Variants in USP25 observed in about 807,000 individuals in gnomAD.
USP25 encodes ubiquitin carboxyl-terminal hydrolase 25.
Under a neutral mutation model 158.5 loss-of-function variants are expected in USP25, and 85 were observed. The ratio of observed to expected loss-of-function variants is 0.54; its 90% CI spans 0.45 to 0.64. The LOEUF (loss-of-function observed/expected upper bound fraction) is 0.64. Among genes scored for constraint, USP25 ranks in the 30% least tolerant of loss-of-function variants. The pLI, the probability that USP25 is intolerant of heterozygous loss-of-function variation, is 0.00. For synonymous variants in USP25, 464 were observed against 460.4 expected (o/e 1.01, Z -0.10); for missense variants, 1,242 against 1,327.3 (o/e 0.94, Z 1.00).
chr21:15,770,543 A>T (rs1372873173), intron 3 of USP25, among the ~76,000 whole-genome samples: 2 of 151,932 alleles, frequency 1.3e-5, no homozygotes, highest in African/African-American at 4.8e-5. Context: ...CTCTGGAATG[A>T]CTCCCTTACT....
intron 1 of USP25, among the ~76,000 whole-genome samples, chr21:15,738,361 A>C (rs1250263404): frequency 6.6e-6 from 1 of 152,170 alleles, no homozygotes; most frequent in Non-Finnish European, 1.5e-5. Flanking sequence ...AATTTGATTG[A>C]ATCTGTAGAT....
chr21:15,869,535 T>C (rs2039798309), intron 22 of USP25, among the ~76,000 whole-genome samples: 1 of 152,180 alleles, frequency 6.6e-6, no homozygotes, highest in African/African-American at 2.4e-5. Context: ...ACTGCAGTTA[T>C]TCTTTTACCA....
intron 6 of USP25, among the ~76,000 whole-genome samples, chr21:15,803,955 G>T (rs1466567678): frequency 6.6e-6 from 1 of 151,862 alleles, no homozygotes; most frequent in South Asian, 2.1e-4. Flanking sequence ...GAATTTTACA[G>T]TGTTGAGAAT....
intron 3 of USP25, among the ~76,000 whole-genome samples, chr21:15,771,206 C>T (rs548679419): frequency 3.3e-5 from 5 of 152,248 alleles, no homozygotes; most frequent in African/African-American, 9.6e-5. Flanking sequence ...AGTAATAAGT[C>T]GTTCATGAAG....
At chr21:15,857,806 T>C (rs2039229175) in intron 20 of USP25, among the ~76,000 whole-genome samples, 1 of 152,072 alleles carries the variant, frequency 6.6e-6, no homozygotes, top group African/African-American at 2.4e-5. Context: ...TTCTGCTGCT[T>C]TCATGGTTTT....
chr21:15,857,451 TA>T (rs35755898), intron 20 of USP25, among the ~76,000 whole-genome samples: 190 of 152,224 alleles, frequency 1.2e-3, no homozygotes, highest in African/African-American at 4.3e-3. Flanking sequence ...GATATTTGCC[TA>T]AAAAAAGACA....
rs1052558703 is a variant in USP25 at position 15,826,353 on chromosome 21, A to T, written c.1454A>T (p.Gln485Leu). 16 of 1,613,810 alleles carry T rather than the reference A, an allele frequency of 9.9e-6. No individual in the cohort carries two copies. In the East Asian group the frequency reaches 1.3e-4, roughly 13 times the overall value. The change falls in exon 13 of 26, where the codon CAG becomes CTG. Residue 485 changes from glutamine to leucine, a missense_variant. By Grantham distance (113) the Gln-to-Leu change is moderately radical. Transcript: ENST00000400183. This position sits in a 1 kb window ranked among gnomAD's most constrained non-coding sequence, Gnocchi z 4.8. ...SSPPSGSIPS[Q>L]TLPSTTEQQG... ...CCACCTAGTGGTTCCATACCATCAC[A>T]GACATTACCAAGGTAAAAAGTAATC...
chr21:15,792,253 A>T (rs1009498417), intron 5 of USP25, among the ~76,000 whole-genome samples: 1 of 151,636 alleles, frequency 6.6e-6, no homozygotes, highest in African/African-American at 2.4e-5. Flanking sequence ...AAAATAAGAG[A>T]CATATGTATG....
At chr21:15,817,265 T>C (rs1051233349) in intron 9 of USP25, among the ~76,000 whole-genome samples, 2 of 152,184 alleles carry the variant, frequency 1.3e-5, no homozygotes, top group African/African-American at 4.8e-5. Flanking sequence ...CTATCTCTTA[T>C]CCTGCTCAGT....
intron 4 of USP25, among the ~76,000 whole-genome samples, chr21:15,788,312 T>C (rs966236105): frequency 4.6e-5 from 7 of 152,034 alleles, no homozygotes. Context: ...TTTGGATTTA[T>C]GGTGCCAGTA....
At chr21:15,866,735 A>G (rs1601178392) in intron 22 of USP25, among the ~76,000 whole-genome samples, 1 of 152,258 alleles carries the variant, frequency 6.6e-6, no homozygotes, top group Admixed American at 6.5e-5. Flanking sequence ...TATGCCAGGC[A>G]TTTGTCTAAG....
intron 19 of USP25, among the ~76,000 whole-genome samples, chr21:15,848,480 T>C (rs1373215877): frequency 6.6e-6 from 1 of 152,106 alleles, no homozygotes; most frequent in Non-Finnish European, 1.5e-5. Flanking sequence ...ATTACTCTTT[T>C]TGAGGAACGG....
chr21:15,793,917 A>G (rs2035727090), intron 5 of USP25, among the ~76,000 whole-genome samples: 1 of 151,752 alleles, frequency 6.6e-6, no homozygotes, highest in Non-Finnish European at 1.5e-5. Context: ...AAACTGAGAT[A>G]TAATACTTGG....
At chr21:15,860,971 T>TAGAG (rs371751056) in intron 20 of USP25, among the ~76,000 whole-genome samples, 445 of 143,610 alleles carry the variant, frequency 3.1e-3, no homozygotes, top group South Asian at 8.0e-3. Flanking sequence ...TATATATATA[T>TAGAG]ATATAGAGAG....
intron 7 of USP25, among the ~76,000 whole-genome samples, chr21:15,806,125 A>G (rs751597371): frequency 6.6e-6 from 1 of 152,216 alleles, no homozygotes; most frequent in Non-Finnish European, 1.5e-5. Flanking sequence ...AATTCTAACA[A>G]TGCTCCAGTG....
At chr21:15,849,384 T>TG (rs1348237794) in intron 19 of USP25, among the ~76,000 whole-genome samples, 2 of 152,074 alleles carry the variant, frequency 1.3e-5, no homozygotes, top group African/African-American at 4.8e-5. Context: ...GGGGCAGAAG[T>TG]GGGAAGCAAA....
intron 20 of USP25, among the ~76,000 whole-genome samples, chr21:15,856,511 G>C (rs1032645487): frequency 6.7e-6 from 1 of 149,298 alleles, no homozygotes; most frequent in African/African-American, 2.5e-5. Flanking sequence ...TCGCTCTGTC[G>C]CCCAGGCTGG....
At chr21:15,740,648 T>G (rs796090485) in intron 1 of USP25, among the ~76,000 whole-genome samples, 243 of 86,468 alleles carry the variant, frequency 2.8e-3, no homozygotes, top group African/African-American at 0.023. Flanking sequence ...GCTGTTTTTT[T>G]TTTTTTTTTT....
At chr21:15,813,400 A>G (rs1391615516) in intron 9 of USP25, among the ~76,000 whole-genome samples, 3 of 152,194 alleles carry the variant, frequency 2.0e-5, no homozygotes, top group Non-Finnish European at 2.9e-5. Flanking sequence ...GTTTTGTATC[A>G]TATTCTAAAA....
Sources: allele counts gnomAD v4.1 joint callset (sites outside exome capture counted in the v4.1 genomes callset), GRCh38; gene constraint gnomAD v4.1.1; non-coding constraint Gnocchi (gnomAD v3.1); transcripts MANE v1.5; gene names NCBI Gene and HGNC (gene_info 2026-07-23, HGNC 2026-07-21).